Variants in EVL observed in about 807,000 individuals in gnomAD.
EVL encodes Enah/Vasp-like, also known as ena/VASP-like protein.
In EVL, 21 loss-of-function variants were observed where a neutral mutation model predicts 59.6. The ratio of observed to expected loss-of-function variants is 0.35; its 90% CI spans 0.25 to 0.51. The LOEUF is 0.51. Among genes scored for constraint, EVL ranks in the 20% least tolerant of loss-of-function variants. The probability of loss-of-function intolerance (pLI) is 0.97; values close to 1 mark genes in which losing one functional copy is unlikely to be tolerated. For synonymous variants in EVL, 198 were observed against 203.5 expected, an observed-to-expected ratio of 0.97 and a Z score of 0.23; for missense variants, 462 against 546.6, an observed-to-expected ratio of 0.85 and a Z score of 1.54.
chr14:100,119,554 C>G (rs1887565079), intron 3 of EVL, among the ~76,000 whole-genome samples: 1 of 152,244 alleles, frequency 6.6e-6, no homozygotes, highest in African/African-American at 2.4e-5. Flanking sequence ...ACCACACCAG[C>G]AAGGCTTGGG....
intron 1 of EVL, among the ~76,000 whole-genome samples, chr14:100,077,411 G>T (rs565222701): frequency 6.6e-6 from 1 of 152,344 alleles, no homozygotes; most frequent in African/African-American, 2.4e-5. Context: ...ACAGTGAAAA[G>T]AATACTTTCT....
chr14:100,131,136 A>G (rs1347589958), intron 7 of EVL, among the ~76,000 whole-genome samples: 1 of 152,212 alleles, frequency 6.6e-6, no homozygotes, highest in Non-Finnish European at 1.5e-5. Flanking sequence ...GGTGCAGGGC[A>G]TCGGGTTCCA....
chr14:100,000,371 G>A (rs527999207), intron 1 of EVL, among the ~76,000 whole-genome samples: 11 of 131,828 alleles, frequency 8.3e-5, no homozygotes, highest in Admixed American at 3.4e-4. Context: ...TTTTTGAGAC[G>A]GAGTCTCGCT....
chr14:100,107,375 G>C (rs142763582), intron 3 of EVL: 1 of 398,320 alleles, frequency 2.5e-6, no homozygotes, highest in African/African-American at 2.1e-5. Context: ...CTAGGCCGGG[G>C]TAGGGCCAGT....
chr14:100,136,044 C>T, intron 9 of EVL, 76 bp downstream of exon 9: 2 of 1,518,788 alleles, frequency 1.3e-6, no homozygotes, highest in Non-Finnish European at 9.1e-7. Flanking sequence ...CGGACAGGAC[C>T]CTCTGATCCA....
chr14:99,990,127 G>C (rs757970161), intron 1 of EVL, among the ~76,000 whole-genome samples: 8 of 152,132 alleles, frequency 5.3e-5, no homozygotes, highest in Non-Finnish European at 1.0e-4. Flanking sequence ...GCTGGAGTCA[G>C]CTTTTTCCAA....
At chr14:100,020,913 T>C (rs2061112392) in intron 1 of EVL, among the ~76,000 whole-genome samples, 1 of 152,244 alleles carries the variant, frequency 6.6e-6, no homozygotes, top group Non-Finnish European at 1.5e-5. Context: ...CAGTGTGCTC[T>C]GGTGACATGG....
At chr14:100,032,152 A>G (rs1221440253) in intron 1 of EVL, among the ~76,000 whole-genome samples, 1 of 152,220 alleles carries the variant, frequency 6.6e-6, no homozygotes, top group Non-Finnish European at 1.5e-5. Context: ...TGATTTAAGA[A>G]GTGCACTCAG....
At chr14:100,049,053 G>A (rs2061604145) in intron 1 of EVL, among the ~76,000 whole-genome samples, 1 of 152,122 alleles carries the variant, frequency 6.6e-6, no homozygotes, top group South Asian at 2.1e-4. Flanking sequence ...TACATTCATG[G>A]AAATGAAATA....
chr14:100,002,123 A>G (rs1300275424), intron 1 of EVL, among the ~76,000 whole-genome samples: 2 of 152,184 alleles, frequency 1.3e-5, no homozygotes, highest in African/African-American at 4.8e-5. Context: ...AAAAAGTCAA[A>G]AAGATAACTT....
At chr14:100,052,377 C>T (rs1245458944) in intron 1 of EVL, among the ~76,000 whole-genome samples, 5 of 152,204 alleles carry the variant, frequency 3.3e-5, no homozygotes, top group African/African-American at 1.2e-4. Flanking sequence ...TGCATGCATG[C>T]CATATATAAT....
At chr14:100,021,476 C>T (rs936075448) in intron 1 of EVL, among the ~76,000 whole-genome samples, 2 of 152,114 alleles carry the variant, frequency 1.3e-5, no homozygotes, top group African/African-American at 4.8e-5. Context: ...AGACAAATGG[C>T]TTTCTTCTCT....
rs1315210141 is a variant in EVL at position 100,108,543 on chromosome 14, C to G, written c.358+10885C>G. On this transcript the variant is annotated intron_variant, in intron 3 of 13. Transcript: ENST00000392920. This position sits in a 1 kb window ranked among gnomAD's most constrained non-coding sequence, Gnocchi z 4.1. ...GGATATGTCTCTTTGCTGACCCACC[C>G]CTGTTCTCACCCCAGGGCTCCAGAT... Among the ~76,000 whole-genome samples, 1 of 152,146 alleles carries G rather than the reference C, an allele frequency of 6.6e-6. No individual in the cohort carries two copies.
At chr14:100,110,880 G>A (rs368991187) in intron 3 of EVL, among the ~76,000 whole-genome samples, 2 of 152,310 alleles carry the variant, frequency 1.3e-5, no homozygotes. Flanking sequence ...GGCGCCATGT[G>A]CCCAGTCAGG....
In EVL at chr14:100,108,319, TGG is replaced by T. The variant is rs1886712071; in HGVS notation, c.358+10662_358+10663del. ...TTGCTTCTTGTAAACCTCTTTCCAT[TGG>T]AAATTACCTCTTTCTCCCCTAAAGA... is the stretch of plus-strand genomic sequence containing the variant. On this transcript the variant is annotated intron_variant, in intron 3 of 13. Transcript: ENST00000392920. The surrounding 1 kb of genome is among the most constrained non-coding windows in gnomAD (Gnocchi z 4.1). Among the ~76,000 whole-genome samples, 1 of 152,132 alleles carries T rather than the reference TGG, an allele frequency of 6.6e-6. No homozygotes were observed. Among genetic ancestry groups the T allele is most frequent in the African/African-American group, 2.4e-5 (1 of 41,440 alleles).
At position 100,084,610 on chromosome 14, in the gene EVL, C is replaced by T. The variant is rs983885357; in HGVS notation, c.12-77C>T. On this transcript the variant is annotated intron_variant, in intron 1 of 13. Transcript: ENST00000392920. ...TTCTTTATGTCAAGTAGCAATTGGC[C>T]TCTATTTCAGAAAAGGGCAAAGTCA... 3.3e-6 allele frequency: 5 copies of T among 1,500,696 alleles called. No individual in the cohort carries two copies. In the African/African-American group the frequency reaches 5.6e-5, roughly 17 times the overall value. The allele number at this position is 1,500,696 out of a possible 1,614,324, so 93.0% of individuals were successfully genotyped here. A position where few individuals can be genotyped will look rare whatever the true frequency, so the allele number is the denominator to read the frequency against.
chr14:99,975,134 T>A (rs929806376), intron 1 of EVL: 1 of 152,338 alleles, frequency 6.6e-6, no homozygotes, highest in East Asian at 1.9e-4. Context: ...CCCACTGCAC[T>A]GGTCTCATTC....
intron 1 of EVL, among the ~76,000 whole-genome samples, chr14:100,022,692 T>C (rs1405511774): frequency 1.3e-5 from 2 of 152,230 alleles, no homozygotes; most frequent in African/African-American, 4.8e-5. Context: ...CTGCCTGTTT[T>C]TGTTTCCTTG....
intron 3 of EVL, among the ~76,000 whole-genome samples, chr14:100,113,170 G>A (rs2090487061): frequency 6.6e-6 from 1 of 152,076 alleles, no homozygotes; most frequent in Non-Finnish European, 1.5e-5. Flanking sequence ...AGCAAAATAG[G>A]CAACGGCACA....
Sources: allele counts gnomAD v4.1 joint callset (sites outside exome capture counted in the v4.1 genomes callset), GRCh38; gene constraint gnomAD v4.1.1; non-coding constraint Gnocchi (gnomAD v3.1); transcripts MANE v1.5; gene names NCBI Gene and HGNC (gene_info 2026-07-23, HGNC 2026-07-21).